The following TMEM87A variants were observed in gnomAD, a reference collection of about 807,000 sequenced individuals.
TMEM87A encodes the protein transmembrane protein 87A, also known as Golgi-pH regulating cation channel.
TMEM87A carries 50 observed loss-of-function variants against 90.0 expected under a neutral mutation model. The observed-to-expected ratio is 0.56, with a 90% CI of 0.44 to 0.70. TMEM87A has a LOEUF of 0.70. TMEM87A is among the 30% of genes least tolerant of loss of function. TMEM87A has a pLI of 0.00. For synonymous variants in TMEM87A, 226 were observed against 226.7 expected (o/e 1.00, Z 0.03); for missense variants, 577 against 660.5 (o/e 0.87, Z 1.39).
chr15:42,239,315 A>G (rs1333293384), intron 8 of TMEM87A, among the ~76,000 whole-genome samples: 1 of 152,242 alleles, frequency 6.6e-6, no homozygotes, highest in East Asian at 1.9e-4. Flanking sequence ...TGTTGGGATT[A>G]CAGGCATGAG....
At chr15:42,226,718 C>A in intron 15 of TMEM87A, 88 bp downstream of exon 15, 1 of 1,120,640 alleles carries the variant, frequency 8.9e-7, no homozygotes, top group Non-Finnish European at 1.3e-6. Flanking sequence ...CTATATGACA[C>A]AGCCCTGATA....
intron 6 of TMEM87A, among the ~76,000 whole-genome samples, chr15:42,247,302 T>C (rs1385677644): frequency 6.6e-6 from 1 of 152,202 alleles, no homozygotes; most frequent in African/African-American, 2.4e-5. Context: ...TAGTTCTGAT[T>C]TATCTATTCT....
intron 7 of TMEM87A, among the ~76,000 whole-genome samples, chr15:42,241,017 A>C (rs1265685613): frequency 6.6e-6 from 1 of 152,230 alleles, no homozygotes; most frequent in Non-Finnish European, 1.5e-5. Context: ...GTTTTATTGG[A>C]ACACAGCCAC....
chr15:42,244,469 A>G (rs1595730319), intron 6 of TMEM87A, among the ~76,000 whole-genome samples: 1 of 152,096 alleles, frequency 6.6e-6, no homozygotes, highest in East Asian at 2.0e-4. Flanking sequence ...ACTAAGCCAT[A>G]CTAGGATACT....
At chr15:42,225,342 G>GT (rs1338949879) in intron 15 of TMEM87A, among the ~76,000 whole-genome samples, 1 of 152,048 alleles carries the variant, frequency 6.6e-6, no homozygotes, top group Admixed American at 6.6e-5. Flanking sequence ...AAGCTAGGCA[G>GT]TTCCTAAATG....
At chr15:42,268,512 G>T (rs1223699179) in intron 2 of TMEM87A, among the ~76,000 whole-genome samples, 1 of 151,990 alleles carries the variant, frequency 6.6e-6, no homozygotes, top group Non-Finnish European at 1.5e-5. Context: ...TACAAAAAAT[G>T]ATTAAAAAGC....
chr15:42,255,896 A>G (rs944397538), intron 6 of TMEM87A, among the ~76,000 whole-genome samples: 1 of 151,456 alleles, frequency 6.6e-6, no homozygotes, highest in Admixed American at 6.6e-5. Flanking sequence ...CAGCCTCCCA[A>G]GTAGCTGGGA....
intron 6 of TMEM87A, among the ~76,000 whole-genome samples, chr15:42,255,765 A>G (rs73409584): frequency 0.049 from 7,492 of 151,418 alleles, 616 homozygotes; most frequent in African/African-American, 0.17. Context: ...CCATAAACAT[A>G]TAGATTTTTG....
At chr15:42,264,529 C>T (rs2051359260) in intron 3 of TMEM87A, among the ~76,000 whole-genome samples, 1 of 150,552 alleles carries the variant, frequency 6.6e-6, no homozygotes, top group Admixed American at 6.7e-5. Flanking sequence ...TTAACAACAT[C>T]AACAAAAAAA....
In TMEM87A at chr15:42,273,301, G is replaced by A. The variant is rs766697929; in HGVS notation, c.98C>T (p.Thr33Ile). The A allele has an allele frequency of 3.1e-6, 5 of 1,614,170 alleles. No individual in the cohort carries two copies. Among genetic ancestry groups the A allele is most frequent in the Non-Finnish European group, 4.2e-6 (5 of 1,180,040 alleles). The part of the protein sequence containing the change: ...PLSFFSAGPA[T>I]VAAADRSKWH... ...TTTGGACCGGTCGGCAGCAGCTACG[G>A]TTGCCGGTCCCGCACTGAAAAACGA... Residue 33 changes from threonine to isoleucine, a missense_variant, in exon 1 of 20, where the codon ACC becomes ATC. Physicochemically the swap from Thr to Ile is moderately conservative, Grantham distance 89 (BLOSUM62 -1). Coordinates refer to ENST00000389834, the MANE Select transcript of TMEM87A (RefSeq NM_015497.5).
At chr15:42,261,103 C>A in intron 5 of TMEM87A, 93 bp downstream of exon 5, 1 of 1,544,602 alleles carries the variant, frequency 6.5e-7, no homozygotes. Context: ...CCAGGTGCAG[C>A]ACTCCCTCCT....
intron 4 of TMEM87A, among the ~76,000 whole-genome samples, chr15:42,263,399 G>A (rs2051335176): frequency 6.6e-6 from 1 of 152,160 alleles, no homozygotes; most frequent in South Asian, 2.1e-4. Context: ...GGGTTGGAAG[G>A]TGGGGAATTT....
At position 42,244,082 on chromosome 15, in the gene TMEM87A, G is replaced by A. The variant is rs752711950; in HGVS notation, c.590C>T (p.Ser197Leu). 8.9e-6 allele frequency: 14 copies of A among 1,569,804 alleles called. No individual in the cohort carries two copies. Among genetic ancestry groups the A allele is most frequent in the South Asian group, 7.3e-5 (6 of 81,712 alleles). ...HIGISSSKES[S>L]KENSLSNLFT... ...AAGATTACTCAGTGAATTTTCTTTT[G>A]ATGATTCCTTTGAGGATGAAATGCC... is the stretch of plus-strand genomic sequence containing the variant. Residue 197 changes from serine (S) to leucine (L), a missense_variant, in exon 7 of 20, where the codon TCA becomes TTA. Ser to Leu is a moderately radical substitution (Grantham distance 145). Coordinates refer to ENST00000389834, the MANE Select transcript of TMEM87A (RefSeq NM_015497.5).
At chr15:42,231,325 C>A in intron 11 of TMEM87A, 65 bp from the exon 12 acceptor site, 1 of 1,331,458 alleles carries the variant, frequency 7.5e-7, no homozygotes, top group Non-Finnish European at 1.0e-6. Flanking sequence ...AAGAAACCAC[C>A]ACATGATTCT....
rs141236382 is a variant in TMEM87A, at chr15:42,246,764, G to T, written c.505-2597C>A. ...TGCTGCAATAAACATACGTGTGCAT[G>T]TGTCCTTATACTAGCATGATTTATA... On this transcript the variant is annotated intron_variant, in intron 6 of 19. Transcript: ENST00000389834. Among the ~76,000 whole-genome samples, 6 of 152,294 alleles carry T rather than the reference G, an allele frequency of 3.9e-5. No homozygotes were observed. The East Asian group carries it at 1.2e-3, about 29-fold the overall frequency.
intron 18 of TMEM87A, 149 bp from the exon 19 acceptor site, chr15:42,217,982 A>C: frequency 1.3e-6 from 1 of 745,394 alleles, no homozygotes; most frequent in Non-Finnish European, 2.1e-6. Context: ...ATAAACAGCA[A>C]ATACAATAAG....
Position 42,227,773 on chromosome 15 carries a change from A to C in TMEM87A, c.1241-4T>G. The C allele has an allele frequency of 6.2e-7, 1 of 1,613,784 alleles. No individual in the cohort carries two copies. The highest frequency in any genetic ancestry group is 8.5e-7 in the Non-Finnish European group (1 of 1,179,850). On this transcript the variant is annotated splice_region_variant and splice_polypyrimidine_tract_variant and intron_variant, in intron 13 of 19. Transcript: ENST00000389834. ...CAGATGATAAACACAATGGATGCTA[A>C]CAGTAAATGAAAAACCAGGTCAGAG...
intron 7 of TMEM87A, 46 bp from the exon 8 acceptor site, chr15:42,239,777 T>G (rs368104992): frequency 6.7e-7 from 1 of 1,494,482 alleles, no homozygotes; most frequent in Non-Finnish European, 9.3e-7. Context: ...ATGCAGAAAT[T>G]AAACAAAAAT....
chr15:42,262,615 C>T (rs2051317964), intron 4 of TMEM87A, among the ~76,000 whole-genome samples: 2 of 151,920 alleles, frequency 1.3e-5, no homozygotes, highest in South Asian at 4.1e-4. Context: ...CAGGGTTTCA[C>T]CATGTTGGCC....
Sources: allele counts gnomAD v4.1 joint callset (sites outside exome capture counted in the v4.1 genomes callset), GRCh38; gene constraint gnomAD v4.1.1; transcripts MANE v1.5; gene names NCBI Gene and HGNC (gene_info 2026-07-23, HGNC 2026-07-21).